Variants in DDX60L observed in about 807,000 individuals in gnomAD.
DDX60L encodes DExD/H-box 60 like, also known as probable ATP-dependent RNA helicase DDX60-like.
A neutral mutation model predicts 211.6 loss-of-function variants in DDX60L; 191 were observed. The observed-to-expected ratio is 0.90, with a 90% CI of 0.80 to 1.02. The LOEUF is 1.02. Ranked by LOEUF, DDX60L falls within the 50% of genes least tolerant of loss-of-function variation. The probability of loss-of-function intolerance (pLI) is 0.00; values close to 1 mark genes in which losing one functional copy is unlikely to be tolerated. For missense variants in DDX60L, 2,007 were observed against 1,984.1 expected (o/e 1.01, Z -0.22); for synonymous variants, 706 against 694.1 (o/e 1.02, Z -0.27).
chr4:168,419,348 T>A lies in DDX60L; in HGVS notation c.2564A>T (p.His855Leu). The stretch of plus-strand genomic sequence containing the variant: ...GATCCTTTCCACCCATTTTTGGCGA[T>A]GAGGAGCAAGCAACAGGATTTCAAA... ...ECFEILLLAP[H>L]RQKWVERIRY... The change falls in exon 19 of 38, where the codon CAT becomes CTT. Residue 855 changes from histidine (H) to leucine (L), a missense_variant. Physicochemically the swap from His to Leu is moderately conservative, Grantham distance 99. Transcript: ENST00000682922. 6.3e-7 allele frequency: 1 copy of A among 1,599,464 alleles called. No individual in the cohort carries two copies. Among genetic ancestry groups the A allele is most frequent in the Non-Finnish European group, 8.5e-7 (1 of 1,171,992 alleles).
intron 19 of DDX60L, among the ~76,000 whole-genome samples, chr4:168,417,478 G>A (rs1749761097): frequency 6.6e-6 from 1 of 152,144 alleles, no homozygotes; most frequent in African/African-American, 2.4e-5. Context: ...CCCAGCTGAA[G>A]GTCATTGCCT....
At chr4:168,480,035 C>T (rs1044117443) in intron 1 of DDX60L, among the ~76,000 whole-genome samples, 6 of 151,152 alleles carry the variant, frequency 4.0e-5, no homozygotes, top group Non-Finnish European at 8.8e-5. Flanking sequence ...AGGGAAGCGG[C>T]TTGCTGCCTG....
chr4:168,453,961 C>A (rs930268159), intron 7 of DDX60L, among the ~76,000 whole-genome samples: 1 of 151,996 alleles, frequency 6.6e-6, no homozygotes, highest in African/African-American at 2.4e-5. Context: ...AAAGGAGATT[C>A]AAATGAGACA....
intron 7 of DDX60L, 87 bp from the exon 8 acceptor site, chr4:168,453,369 C>T (rs1756075394): frequency 2.2e-6 from 3 of 1,339,420 alleles, no homozygotes; most frequent in East Asian, 4.9e-5. Flanking sequence ...ATCATATCTT[C>T]AAAGTTTTAC....
intron 10 of DDX60L, 99 bp downstream of exon 10, chr4:168,441,238 G>T: frequency 8.3e-7 from 1 of 1,211,400 alleles, no homozygotes; most frequent in Non-Finnish European, 1.2e-6. Flanking sequence ...CACAGTGAAG[G>T]AAAATTATTT....
rs755730053 is a variant in DDX60L, at chr4:168,400,877, A to G, written c.3440T>C (p.Val1147Ala). 8.1e-5 allele frequency: 130 copies of G among 1,613,580 alleles called. No individual in the cohort carries two copies. The highest frequency in any genetic ancestry group is 1.1e-4 in the Non-Finnish European group (125 of 1,179,648). Residue 1147 changes from valine to alanine, a missense_variant, in exon 26 of 38, where the codon GTC becomes GCC. Transcript: ENST00000682922. ...SHPHTECHSY[V>A]FAIDEVLEKV... ...TTCAAGTACTTCATCTATTGCAAAG[A>G]CATAACTATGACATTCAGTGTGGGG...
intron 8 of DDX60L, among the ~76,000 whole-genome samples, chr4:168,450,782 G>A (rs75774856): frequency 0.013 from 1,959 of 152,158 alleles, 22 homozygotes; most frequent in African/African-American, 0.022. Flanking sequence ...GCATGGTGGC[G>A]TATAGTCCCA....
At position 168,415,812 on chromosome 4, in the gene DDX60L, A is replaced by G; in HGVS notation, c.2727-13T>C. ...TGATTGCAGCCACCTTACAGAATAA[A>G]CATGCATATAATTTAAATAAAATAT... On this transcript the variant is annotated splice_polypyrimidine_tract_variant and intron_variant, in intron 20 of 37. Coordinates refer to ENST00000682922, the MANE Select transcript of DDX60L (RefSeq NM_001012967.3). The G allele has an allele frequency of 6.7e-7, 1 of 1,496,650 alleles. No individual in the cohort carries two copies. Among genetic ancestry groups the G allele is most frequent in the Non-Finnish European group, 8.9e-7 (1 of 1,123,114 alleles). 92.7% of individuals were successfully genotyped at this position (1,496,650 alleles called of 1,614,324 possible). A position where few individuals can be genotyped will look rare whatever the true frequency, so the allele number is the denominator to read the frequency against.
chr4:168,416,703 T>C lies in DDX60L; in HGVS notation c.2705A>G (p.Asn902Ser). ...CPFLVLSATI[N>S]NPNLLTKWLQ... is the part of the protein sequence containing the mutation. ...CTACTTGGTGAGAAGATTTGGGTTA[T>C]TTATGGTAGCTGAAAGAACCAAAAA... The change falls in exon 20 of 38, where the codon AAT (asparagine) becomes AGT (serine). Residue 902 changes from asparagine (N) to serine (S), a missense_variant. Physicochemically the swap from Asn to Ser is conservative, Grantham distance 46 (BLOSUM62 1). Coordinates refer to ENST00000682922, the MANE Select transcript of DDX60L (RefSeq NM_001012967.3). 3 of 1,600,438 alleles carry C rather than the reference T, an allele frequency of 1.9e-6. No individual in the cohort carries two copies. Among genetic ancestry groups the C allele is most frequent in the East Asian group, 2.2e-5 (1 of 44,638 alleles).
At chr4:168,398,478 T>A (rs890746449) in intron 26 of DDX60L, among the ~76,000 whole-genome samples, 3 of 151,994 alleles carry the variant, frequency 2.0e-5, no homozygotes, top group African/African-American at 7.2e-5. Context: ...AGAGCCTGGG[T>A]GCCATGAACA....
At chr4:168,476,127 G>T (rs1031535624) in intron 1 of DDX60L, 2 of 151,940 alleles carry the variant, frequency 1.3e-5, no homozygotes, top group African/African-American at 4.8e-5. Context: ...CAAACTAAGA[G>T]AGAAGATAAA....
chr4:168,421,765 C>G lies in DDX60L; in HGVS notation c.2389G>C (p.Ala797Pro). 6.2e-7 allele frequency: 1 copy of G among 1,613,834 alleles called. No homozygotes were observed. The highest frequency in any genetic ancestry group is 8.5e-7 in the Non-Finnish European group (1 of 1,179,880). Residue 797 changes from alanine (A) to proline (P), a missense_variant, in exon 17 of 38, where the codon GCA (alanine) becomes CCA (proline). Ala to Pro is a conservative substitution (Grantham distance 27, BLOSUM62 -1). Transcript: ENST00000682922. ...GAAAGTCATTCAAACACTACCTTTG[C>G]GGGTGCAACGTACACAACCACCCCG... ...DVGVVVYVAP[A>P]KSLVGQVAAT...
intron 2 of DDX60L, 57 bp from the exon 3 acceptor site, chr4:168,472,581 G>C: frequency 1.3e-6 from 2 of 1,558,048 alleles, no homozygotes; most frequent in Non-Finnish European, 1.8e-6. Context: ...ATATAATTTA[G>C]TAATTATTAA....
chr4:168,419,262 C>A, intron 19 of DDX60L, 40 bp downstream of exon 19: 2 of 1,411,338 alleles, frequency 1.4e-6, no homozygotes, highest in Non-Finnish European at 2.0e-6. Context: ...AGGGTGTATG[C>A]AGACTAGAAC....
At position 168,422,618 on chromosome 4, in the gene DDX60L, C is replaced by G; in HGVS notation, c.2150G>C (p.Arg717Pro). The change falls in exon 16 of 38, where the codon CGG becomes CCG. Residue 717 changes from arginine (R) to proline (P), a missense_variant. Transcript: ENST00000682922. ...ATGGCCCATGTATTGCAGTTGAAACCGAGCTGGTCCAATGTCAATCGAATA... is the reference window on the plus strand; with the variant it reads ...ATGGCCCATGTATTGCAGTTGAAACGGAGCTGGTCCAATGTCAATCGAATA... The part of the protein sequence containing the change: ...KKYSIDIGPA[R>P]FQLQYMGHYL... The G allele has an allele frequency of 6.2e-7, 1 of 1,612,818 alleles. No individual in the cohort carries two copies. Among genetic ancestry groups the G allele is most frequent in the Non-Finnish European group, 8.5e-7 (1 of 1,179,246 alleles).
At position 168,384,788 on chromosome 4, in the gene DDX60L, C is replaced by CTCT. The variant is rs771282475; in HGVS notation, c.3937_3939dup (p.Arg1313dup). Reference sequence around the variant, plus strand: ...TACACATTTCCAAGCAGGTCTTGACCTCTTCTTCCAGCACGACCAGACATC... The same window carrying CTCT: ...TACACATTTCCAAGCAGGTCTTGACCTCTTCTTCTTCCAGCACGACCAGACATC... On this transcript the variant is annotated inframe_insertion, in exon 30 of 38. Coordinates refer to ENST00000682922, the MANE Select transcript of DDX60L (RefSeq NM_001012967.3). 1 of 1,613,342 alleles carries CTCT rather than the reference C, an allele frequency of 6.2e-7. No homozygotes were observed. Among genetic ancestry groups the CTCT allele is most frequent in the Non-Finnish European group, 8.5e-7 (1 of 1,179,644 alleles).
intron 34 of DDX60L, among the ~76,000 whole-genome samples, chr4:168,375,024 C>T (rs1036285332): frequency 3.9e-5 from 6 of 152,160 alleles, no homozygotes; most frequent in Admixed American, 3.3e-4. Flanking sequence ...GAAAAAAATG[C>T]CAGAAATTAT....
chr4:168,407,067 G>C (rs62334120), intron 22 of DDX60L, among the ~76,000 whole-genome samples: 16,671 of 152,166 alleles, frequency 0.11, 1,259 homozygotes, highest in Admixed American at 0.15. Flanking sequence ...CCTCAGTTTA[G>C]ACAAAAAATA....
intron 29 of DDX60L, among the ~76,000 whole-genome samples, chr4:168,385,657 T>G (rs1743737582): frequency 6.6e-6 from 1 of 152,072 alleles, no homozygotes; most frequent in South Asian, 2.1e-4. Context: ...TGGAATTGAA[T>G]TGAGCTGCAG....
Sources: gnomAD v4.1 joint callset for allele counts (sites outside exome capture counted in the v4.1 genomes callset) on GRCh38, gnomAD v4.1.1 for gene constraint, MANE v1.5 for transcripts, NCBI Gene and HGNC (gene_info 2026-07-23, HGNC 2026-07-21) for gene names.